NBPF11: variants seen among roughly 807,000 people sequenced by gnomAD.
NBPF11 encodes the protein NBPF member 11, also known as NBPF family member NBPF11.
In NBPF11, 72 loss-of-function variants were observed where a neutral mutation model predicts 93.9. The ratio of observed to expected loss-of-function variants is 0.77; its 90% CI spans 0.63 to 0.93. NBPF11 has a LOEUF of 0.93. Among genes scored for constraint, NBPF11 ranks in the 40% least tolerant of loss-of-function variants. The pLI is 0.00. For synonymous variants in NBPF11, 224 were observed against 304.9 expected, an observed-to-expected ratio of 0.73 and a Z score of 2.76; for missense variants, 705 against 802.2, an observed-to-expected ratio of 0.88 and a Z score of 1.46.
At chr1:148,140,732 C>T (rs1672035103) in intron 2 of NBPF11, among the ~76,000 whole-genome samples, 1 of 151,856 alleles carries the variant, frequency 6.6e-6, no homozygotes, top group Admixed American at 6.6e-5. Context: ...ATGGCTAAAA[C>T]ACAAAACGGT....
intron 4 of NBPF11, among the ~76,000 whole-genome samples, chr1:148,128,431 A>G (rs1393121063): frequency 9.9e-5 from 4 of 40,450 alleles, no homozygotes; most frequent in African/African-American, 2.0e-4. Context: ...TATCTTCTCA[A>G]ATTTTTATAT....
intron 4 of NBPF11, among the ~76,000 whole-genome samples, chr1:148,129,166 T>TAC (rs1299606351): frequency 7.2e-6 from 1 of 138,136 alleles, no homozygotes; most frequent in African/African-American, 2.7e-5. Flanking sequence ...TATATATATA[T>TAC]ACACATATAT....
At chr1:148,121,504 C>T (rs1471819853) in intron 9 of NBPF11, among the ~76,000 whole-genome samples, 4 of 151,338 alleles carry the variant, frequency 2.6e-5, no homozygotes, top group Non-Finnish European at 2.9e-5. Context: ...CCCACCACCG[C>T]GCCCAGCTAA....
At chr1:148,144,143 T>A (rs1456157706) in intron 1 of NBPF11, among the ~76,000 whole-genome samples, 2 of 151,168 alleles carry the variant, frequency 1.3e-5, no homozygotes, top group Non-Finnish European at 2.9e-5. Flanking sequence ...TTCTTTCTGT[T>A]AGGGAATTAA....
At chr1:148,116,234 T>C (rs1666505540) in intron 13 of NBPF11, among the ~76,000 whole-genome samples, 1 of 151,986 alleles carries the variant, frequency 6.6e-6, no homozygotes, top group African/African-American at 2.4e-5. Context: ...AGATAGGAGC[T>C]GAGGAGGATG....
Position 148,108,680 on chromosome 1 carries a change from A to T in NBPF11, c.1854-26T>A, listed in dbSNP as rs782092104. 11 of 835,786 alleles carry T rather than the reference A, an allele frequency of 1.3e-5. No homozygotes were observed. The Admixed American group carries it at 1.9e-4, about 14-fold the overall frequency. The allele number at this position is 835,786 out of a possible 1,614,324, so 51.8% of individuals were successfully genotyped here. A position where few individuals can be genotyped will look rare whatever the true frequency, so the allele number is the denominator to read the frequency against. On this transcript the variant is annotated intron_variant, in intron 17 of 23. Transcript: ENST00000682118. ...CTGGAAAAGTGGGAAAAAGTAAAGA[A>T]TAAGCCAGGGGGAATCAGAAACCAC...
At position 148,125,173 on chromosome 1, in the gene NBPF11, G is replaced by A. The variant is rs75742428; in HGVS notation, c.176-172C>T. On this transcript the variant is annotated intron_variant, in intron 5 of 23. Transcript: ENST00000682118. ...TCAGTCTTCTGACTTTCTGGCATCT[G>A]ATCCTCCAAAATTTAAAGACGAAGA... 1.5e-3 allele frequency among the ~76,000 whole-genome samples: 221 copies of A among 152,100 alleles called. 2 individuals carry two copies. Among genetic ancestry groups the A allele is most frequent in the African/African-American group, 5.1e-3 (211 of 41,366 alleles).
chr1:148,122,893 T>G, intron 7 of NBPF11, 92 bp from the exon 8 acceptor site: 2 of 1,603,434 alleles, frequency 1.2e-6, no homozygotes, highest in Non-Finnish European at 1.7e-6. Flanking sequence ...AATATCTATG[T>G]ATGGTTCAGC....
chr1:148,137,480 A>T (rs1671502025), intron 3 of NBPF11, among the ~76,000 whole-genome samples: 1 of 152,250 alleles, frequency 6.6e-6, no homozygotes, highest in Non-Finnish European at 1.5e-5. Flanking sequence ...CCCGGATTTT[A>T]GTCTCACATG....
chr1:148,145,361 G>A (rs1278967056), intron 1 of NBPF11, among the ~76,000 whole-genome samples: 1 of 144,686 alleles, frequency 6.9e-6, no homozygotes. Flanking sequence ...ACAGGTGCCC[G>A]CCACCACATC....
chr1:148,137,964 TAC>T, intron 2 of NBPF11, among the ~76,000 whole-genome samples, 155 bp from the exon 3 acceptor site: 1 of 149,248 alleles, frequency 6.7e-6, no homozygotes, highest in African/African-American at 2.5e-5. Flanking sequence ...GCGTTCAGCA[TAC>T]GGAGGACCCA....
At chr1:148,117,961 T>C (rs1419451501) in intron 11 of NBPF11, among the ~76,000 whole-genome samples, 175 bp from the exon 12 acceptor site, 3 of 151,264 alleles carry the variant, frequency 2.0e-5, no homozygotes, top group Admixed American at 1.3e-4. Flanking sequence ...GTTTACAGGC[T>C]TCCTCTGTAT....
At position 148,103,865 on chromosome 1, in the gene NBPF11, T is replaced by C. The variant is rs1662868884; in HGVS notation, c.*31A>G. ...AGTCGAATAATATCTATCCAGTGAG[T>C]CCTGTAAGACTTCAGGCACTTCCAC... On this transcript the variant is annotated 3_prime_UTR_variant, in exon 24 of 24. Transcript: ENST00000682118. 6.2e-7 allele frequency: 1 copy of C among 1,611,144 alleles called. No individual in the cohort carries two copies. The highest frequency in any genetic ancestry group is 1.3e-5 in the African/African-American group (1 of 74,614).
chr1:148,122,371 C>G (rs1668073167), intron 8 of NBPF11, 105 bp from the exon 9 acceptor site: 3 of 1,572,902 alleles, frequency 1.9e-6, no homozygotes, highest in Non-Finnish European at 2.6e-6. Flanking sequence ...AGAGTGGTCC[C>G]AGAAAACAAA....
chr1:148,117,284 CCT>C (rs1666795706), intron 12 of NBPF11, among the ~76,000 whole-genome samples: 1 of 148,756 alleles, frequency 6.7e-6, no homozygotes, highest in African/African-American at 2.5e-5. Context: ...CTCTAACAAG[CCT>C]GCTCCCATCG....
chr1:148,117,096 G>C (rs1280985646), intron 12 of NBPF11, among the ~76,000 whole-genome samples: 1 of 151,814 alleles, frequency 6.6e-6, no homozygotes, highest in African/African-American at 2.4e-5. Context: ...ATCTCATTTT[G>C]GAAAGCAGTT....
At chr1:148,122,642 G>A in intron 8 of NBPF11, 87 bp downstream of exon 8, 1 of 1,569,454 alleles carries the variant, frequency 6.4e-7, no homozygotes. Flanking sequence ...CGGGCTTTTG[G>A]CCCATCATAG....
chr1:148,150,521 A>AG (rs1449487808), intron 1 of NBPF11, among the ~76,000 whole-genome samples: 6 of 151,684 alleles, frequency 4.0e-5, no homozygotes, highest in Non-Finnish European at 2.9e-5. Context: ...GAAAAAAAAA[A>AG]GAGCTTTTGG....
chr1:148,104,229 C>A (rs1335717053), intron 23 of NBPF11, among the ~76,000 whole-genome samples: 1 of 144,888 alleles, frequency 6.9e-6, no homozygotes, highest in Non-Finnish European at 1.5e-5. Flanking sequence ...GCCCTCATGA[C>A]ACACAGCAAA....
Sources: allele counts gnomAD v4.1 joint callset (sites outside exome capture counted in the v4.1 genomes callset), GRCh38; gene constraint gnomAD v4.1.1; transcripts MANE v1.5; gene names NCBI Gene and HGNC (gene_info 2026-07-23, HGNC 2026-07-21).